Variants in OCM observed in about 807,000 individuals in gnomAD.
The protein encoded by OCM is oncomodulin-1.
OCM carries 18 observed loss-of-function variants against 14.1 expected under a neutral mutation model. The observed-to-expected ratio is 1.28, with a 90% CI of 0.88 to 1.89. OCM has a LOEUF of 1.89. OCM is among the 40% of genes most tolerant of loss of function. OCM has a pLI of 0.00. For missense variants in OCM, 140 were observed against 137.6 expected, an observed-to-expected ratio of 1.02 and a Z score of -0.09; for synonymous variants, 48 against 51.0, an observed-to-expected ratio of 0.94 and a Z score of 0.25.
upstream of OCM, among the ~76,000 whole-genome samples, chr7:5,874,888 C>T (rs1781063202): frequency 6.6e-6 from 1 of 151,976 alleles, no homozygotes; most frequent in Admixed American, 6.6e-5. Context: ...AGAACTTTCT[C>T]ATCTTCCCAA....
the OCM span, among the ~76,000 whole-genome samples, chr7:5,860,608 G>A: frequency 0.033 from 622 of 19,076 alleles, 191 homozygotes; most frequent in African/African-American, 0.29. Context: ...ATATACGTGT[G>A]TATATATATT....
upstream of OCM, among the ~76,000 whole-genome samples, chr7:5,875,814 C>CT (rs1781083964): frequency 6.6e-6 from 1 of 151,604 alleles, no homozygotes. Context: ...ATTCAAAACT[C>CT]TTAAGACTTA....
At chr7:5,864,604 C>CA in the OCM span, among the ~76,000 whole-genome samples, 1 of 152,224 alleles carries the variant, frequency 6.6e-6, no homozygotes, top group East Asian at 1.9e-4. Context: ...ACGGCATCCT[C>CA]AAAGACCACA....
At chr7:5,876,092 C>T (rs1781089580), upstream of OCM, among the ~76,000 whole-genome samples, 1 of 152,080 alleles carries the variant, frequency 6.6e-6, no homozygotes, top group Non-Finnish European at 1.5e-5. Flanking sequence ...GCAACCTCCA[C>T]CTCCCAGGTT....
intron 3 of OCM, among the ~76,000 whole-genome samples, chr7:5,885,114 CTA>C (rs780890136): frequency 2.0e-3 from 142 of 71,380 alleles, no homozygotes; most frequent in South Asian, 0.013. Flanking sequence ...GAGTGAAACT[CTA>C]TCTCAAAAGA....
chr7:5,885,461 G>C (rs1781311860), intron 3 of OCM, among the ~76,000 whole-genome samples: 1 of 152,168 alleles, frequency 6.6e-6, no homozygotes, highest in Non-Finnish European at 1.5e-5. Flanking sequence ...TTATCAGGGA[G>C]AAATGATAGG....
Position 5,880,886 on chromosome 7 carries a change from G to A in OCM, c.-4G>A. On this transcript the variant is annotated 5_prime_UTR_variant, in exon 1 of 4. Transcript: ENST00000242104. The stretch of plus-strand genomic sequence containing the variant: ...CTCATTTATTCTGTGTGAGTAGGTA[G>A]AAAATGAGCATCACGGACGTGCTCA... 1 of 1,611,556 alleles carries A rather than the reference G, an allele frequency of 6.2e-7. No homozygotes were observed. The highest frequency in any genetic ancestry group is 8.5e-7 in the Non-Finnish European group (1 of 1,178,396).
intron 1 of OCM, 34 bp from the exon 2 acceptor site, chr7:5,882,459 C>A: frequency 6.3e-7 from 1 of 1,599,174 alleles, no homozygotes; most frequent in South Asian, 1.1e-5. Flanking sequence ...TGTGATCCAA[C>A]AAGCGTCAGA....
rs768577237 is a variant in OCM at position 5,880,923 on chromosome 7, A to C, written c.34A>C (p.Ile12Leu). 1 of 1,606,970 alleles carries C rather than the reference A, an allele frequency of 6.2e-7. No homozygotes were observed. The highest frequency in any genetic ancestry group is 1.7e-5 in the Admixed American group (1 of 59,830). ...CACGGACGTGCTCAGTGCTGACGAC[A>C]TTGCAGCAGCGCTCCAGGAATGCCG... ...SITDVLSADD[I>L]AAALQECRDP... The change falls in exon 1 of 4, where the codon ATT becomes CTT. Residue 12 changes from isoleucine to leucine, a missense_variant. Physicochemically the swap from Ile to Leu is conservative, Grantham distance 5. Coordinates refer to ENST00000242104, the MANE Select transcript of OCM (RefSeq NM_001097622.2).
chr7:5,875,047 T>A (rs1328382001), upstream of OCM, among the ~76,000 whole-genome samples: 2 of 137,288 alleles, frequency 1.5e-5, no homozygotes, highest in African/African-American at 5.7e-5. Context: ...TATCTATATA[T>A]ATATATATGT....
chr7:5,873,630 C>T, the OCM span, among the ~76,000 whole-genome samples: 2 of 152,064 alleles, frequency 1.3e-5, no homozygotes, highest in African/African-American at 4.8e-5. Context: ...CAGGCATGAG[C>T]CACCGAGTCC....
the OCM span, among the ~76,000 whole-genome samples, chr7:5,866,848 C>T: frequency 6.6e-6 from 1 of 152,124 alleles, no homozygotes; most frequent in Non-Finnish European, 1.5e-5. Context: ...CACTGGTTAC[C>T]ATGTAACCCG....
chr7:5,878,475 G>A (rs1411892694), upstream of OCM, among the ~76,000 whole-genome samples: 3 of 151,402 alleles, frequency 2.0e-5, no homozygotes, highest in East Asian at 2.0e-4. Flanking sequence ...GGCCGGGCGC[G>A]GTGGCTCACG....
chr7:5,885,768 G>A (rs182473556), intron 3 of OCM, among the ~76,000 whole-genome samples: 26 of 152,002 alleles, frequency 1.7e-4, no homozygotes, highest in African/African-American at 5.8e-4. Flanking sequence ...GTGCCACAAC[G>A]CTGAGCTAAG....
chr7:5,884,051 G>C (rs7798766), intron 3 of OCM, 52 bp downstream of exon 3: 230,019 of 1,603,368 alleles, frequency 0.14, 21,710 homozygotes, highest in African/African-American at 0.48. Flanking sequence ...GGAAGCATCC[G>C]TGAGGGCTTG....
At chr7:5,868,581 A>AG in the OCM span, among the ~76,000 whole-genome samples, 49,070 of 151,884 alleles carry the variant, frequency 0.32, 10,197 homozygotes, top group African/African-American at 0.6. Context: ...TCTAAGAGTG[A>AG]GGGGGAAAAA....
chr7:5,870,892 T>A, the OCM span, among the ~76,000 whole-genome samples: 1 of 111,318 alleles, frequency 9.0e-6, no homozygotes, highest in Non-Finnish European at 1.9e-5. Flanking sequence ...TTGATGAGTA[T>A]CTTTTTTTTT....
upstream of OCM, among the ~76,000 whole-genome samples, chr7:5,876,556 G>C (rs1411587126): frequency 1.3e-5 from 2 of 152,156 alleles, no homozygotes; most frequent in Admixed American, 6.6e-5. Context: ...TCACTGCTGA[G>C]CGCCTAAATC....
rs1477319617 is a variant in OCM, at chr7:5,884,000, G to T, written c.304+1G>T. On this transcript the variant is annotated splice_donor_variant, in intron 3 of 3. Transcript: ENST00000242104. LOFTEE classifies it high-confidence loss of function. ...GGAGATGGGAAAATTGGAGCAGAGG[G>T]TATGTCCACACGTGTACGTAGCATA... is the stretch of plus-strand genomic sequence containing the variant. 5.6e-6 allele frequency: 9 copies of T among 1,612,166 alleles called. No individual in the cohort carries two copies. The African/African-American group carries it at 1.1e-4, about 19-fold the overall frequency.
Sources: gnomAD v4.1 joint callset for allele counts (sites outside exome capture counted in the v4.1 genomes callset) on GRCh38, gnomAD v4.1.1 for gene constraint, MANE v1.5 for transcripts, NCBI Gene and HGNC (gene_info 2026-07-23, HGNC 2026-07-21) for gene names.